TBK1: variants seen among roughly 807,000 people sequenced by gnomAD.
TBK1 encodes the protein TANK binding kinase 1.
A neutral mutation model predicts 99.9 loss-of-function variants in TBK1; 37 were observed. The observed-to-expected ratio is 0.37, with a 90% CI of 0.28 to 0.49. The LOEUF (loss-of-function observed/expected upper bound fraction) is 0.49, where lower values mean the gene tolerates loss of function less well. Among genes scored for constraint, TBK1 ranks in the 20% least tolerant of loss-of-function variants. The pLI is 0.98. For missense variants in TBK1, 644 were observed against 872.5 expected (o/e 0.74, Z 3.30); for synonymous variants, 258 against 279.8 (o/e 0.92, Z 0.78).
intron 2 of TBK1, among the ~76,000 whole-genome samples, chr12:64,457,620 T>A (rs2040503310): frequency 6.6e-6 from 1 of 152,130 alleles, no homozygotes; most frequent in Non-Finnish European, 1.5e-5. Flanking sequence ...GCAAGATTGA[T>A]TAGAAAGGAA....
chr12:64,488,775 C>T (rs905005672), intron 12 of TBK1, among the ~76,000 whole-genome samples, 187 bp downstream of exon 12: 8 of 152,182 alleles, frequency 5.3e-5, no homozygotes, highest in African/African-American at 1.2e-4. Context: ...AGGTGGATCA[C>T]GAGGTCAAGA....
chr12:64,500,612 CTTCAA>C (rs1352041443), intron 20 of TBK1, among the ~76,000 whole-genome samples: 7 of 152,144 alleles, frequency 4.6e-5, no homozygotes, highest in Admixed American at 4.6e-4. Context: ...TAAATTTATA[CTTCAA>C]TTCAAAGAGT....
chr12:64,458,351 C>A (rs774555566), intron 2 of TBK1, among the ~76,000 whole-genome samples: 17 of 151,948 alleles, frequency 1.1e-4, no homozygotes, highest in Non-Finnish European at 2.1e-4. Context: ...ACATTTATTA[C>A]TTGTTATTCA....
chr12:64,491,622 CAAAT>C (rs369408047), intron 13 of TBK1, among the ~76,000 whole-genome samples: 17 of 152,034 alleles, frequency 1.1e-4, no homozygotes, highest in Non-Finnish European at 2.2e-4. Flanking sequence ...GAGACTGTCT[CAAAT>C]AAATAAATAA....
intron 13 of TBK1, among the ~76,000 whole-genome samples, chr12:64,491,195 T>G (rs1278657097): frequency 6.6e-6 from 1 of 152,190 alleles, no homozygotes; most frequent in African/African-American, 2.4e-5. Flanking sequence ...TTTACCTGCC[T>G]ACTCATGACT....
intron 1 of TBK1, among the ~76,000 whole-genome samples, chr12:64,454,049 A>G (rs1214363699): frequency 1.3e-5 from 2 of 152,204 alleles, no homozygotes; most frequent in Non-Finnish European, 2.9e-5. Context: ...ATTTGTCTTC[A>G]TTAGTGTTTC....
chr12:64,480,828 C>T lies in TBK1; in HGVS notation c.812+706C>T, dbSNP rs149847651. On this transcript the variant is annotated intron_variant, in intron 7 of 20. Transcript: ENST00000331710. ...TCTTGAGTGTGGTAGTTATATAATC[C>T]TTAATTGGACACAAGTTATGAATTA... is the stretch of plus-strand genomic sequence containing the variant. Among the ~76,000 whole-genome samples the T allele has an allele frequency of 3.1e-3, 479 of 152,094 alleles. 5 individuals are homozygous for T. Among genetic ancestry groups the T allele is most frequent in the African/African-American group, 0.011 (459 of 41,490 alleles).
chr12:64,459,087 A>G (rs1224657269), intron 2 of TBK1, among the ~76,000 whole-genome samples: 1 of 152,182 alleles, frequency 6.6e-6, no homozygotes, highest in Non-Finnish European at 1.5e-5. Context: ...ATCTGAGGAA[A>G]GTATAAAGAG....
At chr12:64,484,087 G>T in intron 8 of TBK1, 2 of 398,108 alleles carry the variant, frequency 5.0e-6, no homozygotes, top group Non-Finnish European at 4.5e-6. Context: ...ATATTACACA[G>T]GTATCCAAAC....
At chr12:64,460,932 T>C (rs1592354155) in intron 3 of TBK1, among the ~76,000 whole-genome samples, 2 of 149,852 alleles carry the variant, frequency 1.3e-5, no homozygotes, top group Middle Eastern at 7.0e-3. Flanking sequence ...AATACAAAAA[T>C]TTGCCATGCA....
At chr12:64,482,914 T>G (rs1295088295) in intron 8 of TBK1, among the ~76,000 whole-genome samples, 1 of 152,184 alleles carries the variant, frequency 6.6e-6, no homozygotes, top group Non-Finnish European at 1.5e-5. Flanking sequence ...CATGTAAAAC[T>G]GGGGAAATTT....
chr12:64,456,452 C>G (rs2040488201), intron 2 of TBK1, among the ~76,000 whole-genome samples: 1 of 151,976 alleles, frequency 6.6e-6, no homozygotes, highest in Non-Finnish European at 1.5e-5. Flanking sequence ...AACAAGGAGC[C>G]CAGGTTGAAA....
intron 8 of TBK1, among the ~76,000 whole-genome samples, chr12:64,483,880 G>A (rs1348138773): frequency 6.6e-6 from 1 of 152,104 alleles, no homozygotes; most frequent in East Asian, 1.9e-4. Flanking sequence ...GGTGGTGCAT[G>A]TTTGTAATCC....
intron 1 of TBK1, chr12:64,452,587 C>G (rs1281771535): frequency 6.6e-6 from 1 of 152,212 alleles, no homozygotes; most frequent in South Asian, 2.1e-4. Flanking sequence ...CCCTTAGACT[C>G]GCTGTTTTCT....
chr12:64,470,012 G>A (rs2040645989), intron 5 of TBK1, among the ~76,000 whole-genome samples: 1 of 152,134 alleles, frequency 6.6e-6, no homozygotes, highest in Non-Finnish European at 1.5e-5. Context: ...CAGGCCCAGA[G>A]AAAACAGCAG....
intron 5 of TBK1, 69 bp from the exon 6 acceptor site, chr12:64,474,161 G>A: frequency 2.9e-6 from 4 of 1,373,110 alleles, no homozygotes; most frequent in Non-Finnish European, 9.9e-7. Flanking sequence ...GCATTATTGA[G>A]TATCCATTTG....
chr12:64,495,870 T>C (rs555376176), intron 15 of TBK1, 95 bp downstream of exon 15: 1 of 952,788 alleles, frequency 1.0e-6, no homozygotes, highest in Admixed American at 3.6e-5. Flanking sequence ...TAAGGGTAGC[T>C]TCTTAAGCTG....
Position 64,463,858 on chromosome 12 carries a change from T to G in TBK1, c.229-476T>G, listed in dbSNP as rs1182062087. On this transcript the variant is annotated intron_variant, in intron 3 of 20. Transcript: ENST00000331710. ...CTAATAGGAATTTGGAAAATGTTAG[T>G]TTTTTTTTTTTGTTTTTTTTTTTTG... 1.0e-4 allele frequency among the ~76,000 whole-genome samples: 10 copies of G among 96,850 alleles called. No homozygotes were observed. In the South Asian group the frequency reaches 2.4e-3, roughly 23 times the overall value. The allele number at this position is 96,850 out of a possible 152,430, so 63.5% of individuals were successfully genotyped here. A position where few individuals can be genotyped will look rare whatever the true frequency, so the allele number is the denominator to read the frequency against.
intron 11 of TBK1, among the ~76,000 whole-genome samples, chr12:64,487,420 C>A (rs1030854159): frequency 8.5e-5 from 13 of 152,058 alleles, no homozygotes; most frequent in African/African-American, 3.1e-4. Context: ...TTTTTAGGCT[C>A]CTTTTTTTTT....
Sources: allele counts gnomAD v4.1 joint callset (sites outside exome capture counted in the v4.1 genomes callset), GRCh38; gene constraint gnomAD v4.1.1; transcripts MANE v1.5; gene names NCBI Gene and HGNC (gene_info 2026-07-23, HGNC 2026-07-21).